Variants in CACNA1G observed in about 807,000 individuals in gnomAD.
CACNA1G encodes voltage-dependent T-type calcium channel subunit alpha-1G.
In CACNA1G, 67 loss-of-function variants were observed where a neutral mutation model predicts 219.4. The ratio of observed to expected loss-of-function variants is 0.31; its 90% CI spans 0.25 to 0.37. The LOEUF (loss-of-function observed/expected upper bound fraction) is 0.37. Ranked by LOEUF, CACNA1G falls within the 10% of genes least tolerant of loss-of-function variation. The pLI is 1.00. For synonymous variants in CACNA1G, 1,296 were observed against 1,345.3 expected, an observed-to-expected ratio of 0.96 and a Z score of 0.80; for missense variants, 2,380 against 3,231.4, an observed-to-expected ratio of 0.74 and a Z score of 6.39.
At chr17:50,599,942 AG>A (rs1960289058) in intron 17 of CACNA1G, 83 bp downstream of exon 17, 2 of 1,359,228 alleles carry the variant, frequency 1.5e-6, no homozygotes, top group African/African-American at 1.4e-5. Flanking sequence ...GGTATAAGGG[AG>A]TTACCATTCC....
At chr17:50,620,522 C>T (rs2051587616) in intron 34 of CACNA1G, among the ~76,000 whole-genome samples, 2 of 152,222 alleles carry the variant, frequency 1.3e-5, no homozygotes, top group East Asian at 1.9e-4. Context: ...GCTGTTCCTG[C>T]CCTCCTCCCC....
chr17:50,601,025 C>T (rs372391770), intron 18 of CACNA1G, 26 bp from the exon 19 acceptor site: 1 of 1,609,916 alleles, frequency 6.2e-7, no homozygotes, highest in East Asian at 2.2e-5. Flanking sequence ...CTCCCCCTCT[C>T]AGCCGTTGCC....
rs1297808397 is a variant in CACNA1G at position 50,627,044 on chromosome 17, C to A, written c.*293C>A. On this transcript the variant is annotated 3_prime_UTR_variant, in exon 38 of 38. Coordinates refer to ENST00000359106, the MANE Select transcript of CACNA1G (RefSeq NM_018896.5). Reference sequence around the variant, plus strand: ...TTTGTGCAGAATCTCTATGTATATTCTATTTTATTAAATTAATTGAATCTA... The same window carrying A: ...TTTGTGCAGAATCTCTATGTATATTATATTTTATTAAATTAATTGAATCTA... The A allele has an allele frequency of 3.5e-6, 2 of 576,688 alleles. No individual in the cohort carries two copies. Among genetic ancestry groups the A allele is most frequent in the South Asian group, 3.1e-5 (2 of 65,482 alleles). The allele number at this position is 576,688 out of a possible 1,614,324, so 35.7% of individuals were successfully genotyped here.
Position 50,626,858 on chromosome 17 carries a change from G to T in CACNA1G, c.*107G>T. The T allele has an allele frequency of 7.0e-7, 1 of 1,423,172 alleles. No homozygotes were observed. 88.2% of individuals were successfully genotyped at this position (1,423,172 alleles called of 1,614,324 possible). A position where few individuals can be genotyped will look rare whatever the true frequency, so the allele number is the denominator to read the frequency against. On this transcript the variant is annotated 3_prime_UTR_variant, in exon 38 of 38. Transcript: ENST00000359106. This position sits in a 1 kb window ranked among gnomAD's most constrained non-coding sequence, Gnocchi z 4.3. ...AGTTCCATATAGACACCAAGGAGGCGGAGGCGCTCCTCCCTGCCTCAGTGG... is the reference window on the plus strand; with the variant it reads ...AGTTCCATATAGACACCAAGGAGGCTGAGGCGCTCCTCCCTGCCTCAGTGG...
rs1469421563 is a variant in CACNA1G, at chr17:50,569,686, C to T, written c.489-20C>T. Reference sequence around the variant, plus strand: ...GTGGCCTCAGACTCAAAGGGCCTCCCTTTGGGCCCCTCCCTGCAGGATGCT... The same window carrying T: ...GTGGCCTCAGACTCAAAGGGCCTCCTTTTGGGCCCCTCCCTGCAGGATGCT... On this transcript the variant is annotated intron_variant, in intron 3 of 37. Coordinates refer to ENST00000359106, the MANE Select transcript of CACNA1G (RefSeq NM_018896.5). The T allele has an allele frequency of 3.2e-6, 5 of 1,539,704 alleles. No homozygotes were observed. Among genetic ancestry groups the T allele is most frequent in the Non-Finnish European group, 4.4e-6 (5 of 1,138,674 alleles).
chr17:50,561,233 C>T lies in CACNA1G; in HGVS notation c.-227C>T. 1.8e-6 allele frequency: 1 copy of T among 553,408 alleles called. No individual in the cohort carries two copies. The highest frequency in any genetic ancestry group is 3.2e-6 in the Non-Finnish European group (1 of 316,088). 34.3% of individuals were successfully genotyped at this position (553,408 alleles called of 1,614,324 possible). A position where few individuals can be genotyped will look rare whatever the true frequency, so the allele number is the denominator to read the frequency against. ...GGAAGCCCCAGGGGCGCAGGGGAAG[C>T]GGGACTCGCGCCGGGCGGGGTTTCC... On this transcript the variant is annotated 5_prime_UTR_variant, in exon 1 of 38. Coordinates refer to ENST00000359106, the MANE Select transcript of CACNA1G (RefSeq NM_018896.5).
chr17:50,567,288 G>GCAGT (rs1227080679), intron 1 of CACNA1G, among the ~76,000 whole-genome samples: 1 of 152,174 alleles, frequency 6.6e-6, no homozygotes, highest in Non-Finnish European at 1.5e-5. Context: ...TAGGGAAACT[G>GCAGT]CAGTGCATTA....
chr17:50,579,172 C>G (rs1018778520), intron 9 of CACNA1G, among the ~76,000 whole-genome samples: 8 of 152,084 alleles, frequency 5.3e-5, no homozygotes, highest in African/African-American at 1.9e-4. Context: ...GACTTGAAGC[C>G]ATCGCGTTTG....
chr17:50,562,752 C>T (rs948318006), intron 1 of CACNA1G, among the ~76,000 whole-genome samples: 7 of 152,172 alleles, frequency 4.6e-5, no homozygotes, highest in African/African-American at 1.7e-4. Flanking sequence ...ACCACCCCAG[C>T]GTAGACTCCG....
intron 9 of CACNA1G, among the ~76,000 whole-genome samples, chr17:50,579,576 G>A (rs1241918679): frequency 6.6e-6 from 1 of 152,118 alleles, no homozygotes; most frequent in Non-Finnish European, 1.5e-5. Context: ...TCTTGGAAAA[G>A]GAGAGAGGCT....
chr17:50,618,393 G>A lies in CACNA1G; in HGVS notation c.5427+50G>A. ...CTCCAGGGAGGCAGCCCCACTTCCT[G>A]AGCTAGGATTCCTTGGGAAGATGAA... On this transcript the variant is annotated intron_variant, in intron 32 of 37. Transcript: ENST00000359106. This position sits in a 1 kb window ranked among gnomAD's most constrained non-coding sequence, Gnocchi z 5.3. 6.3e-7 allele frequency: 1 copy of A among 1,598,100 alleles called. No individual in the cohort carries two copies. Among genetic ancestry groups the A allele is most frequent in the Non-Finnish European group, 8.6e-7 (1 of 1,168,572 alleles).
At position 50,571,043 on chromosome 17, in the gene CACNA1G, G is replaced by A. The variant is rs959172104; in HGVS notation, c.587-835G>A. Among the ~76,000 whole-genome samples, 11 of 152,200 alleles carry A rather than the reference G, an allele frequency of 7.2e-5. No individual in the cohort carries two copies. The highest frequency in any genetic ancestry group is 1.2e-4 in the African/African-American group (5 of 41,438). ...GGGGCTGGTTCAGACCATTTGGGCCGGTTGGGTTCTAGACCTGGAGTACGG... is the reference window on the plus strand; with the variant it reads ...GGGGCTGGTTCAGACCATTTGGGCCAGTTGGGTTCTAGACCTGGAGTACGG... On this transcript the variant is annotated intron_variant, in intron 4 of 37. Transcript: ENST00000359106. This position sits in a 1 kb window ranked among gnomAD's most constrained non-coding sequence, Gnocchi z 4.3.
At chr17:50,610,365 A>G (rs189873107) in intron 26 of CACNA1G, among the ~76,000 whole-genome samples, 1 of 152,354 alleles carries the variant, frequency 6.6e-6, no homozygotes, top group East Asian at 1.9e-4. Flanking sequence ...AAATGTAACA[A>G]TGAATAATTG....
intron 9 of CACNA1G, among the ~76,000 whole-genome samples, chr17:50,587,082 G>A (rs2043136216): frequency 6.6e-6 from 1 of 152,204 alleles, no homozygotes; most frequent in African/African-American, 2.4e-5. Context: ...ACAGCTGGGG[G>A]TGGCCAGTGA....
At position 50,615,487 on chromosome 17, in the gene CACNA1G, C is replaced by T; in HGVS notation, c.4886C>T (p.Ala1629Val). The T allele has an allele frequency of 6.2e-7, 1 of 1,613,500 alleles. No homozygotes were observed. Among genetic ancestry groups the T allele is most frequent in the Non-Finnish European group, 8.5e-7 (1 of 1,179,570 alleles). ...ATCGGGCTGAACGTGGTCACCATGG[C>T]CATGGAGCACTACCAGCAGCCCCAG... is the stretch of plus-strand genomic sequence containing the variant. ...GVIGLNVVTM[A>V]MEHYQQPQIL... Residue 1629 changes from alanine to valine, a missense_variant, in exon 27 of 38, where the codon GCC becomes GTC. By Grantham distance (64) the Ala-to-Val change is moderately conservative. Transcript: ENST00000359106.
Position 50,591,838 on chromosome 17 carries a change from C to T in CACNA1G, c.2739C>T (p.Ile913=), listed in dbSNP as rs9911759. The T allele has an allele frequency of 9.0e-5, 145 of 1,613,958 alleles. No homozygotes were observed. The Middle Eastern group carries it at 9.9e-4, about 11-fold the overall frequency. ...RKNFDSLLWA[I]VTVFQILTQE... ...ATTTTGACTCCTTGCTCTGGGCCAT[C>T]GTCACTGTCTTTCAGGTGCGAGGGT... Residue 913 remains isoleucine (I), a synonymous_variant, in exon 12 of 38, where the codon ATC becomes ATT. Coordinates refer to ENST00000359106, the MANE Select transcript of CACNA1G (RefSeq NM_018896.5).
intron 26 of CACNA1G, among the ~76,000 whole-genome samples, chr17:50,613,150 G>A (rs67318243): frequency 0.1 from 15,198 of 152,268 alleles, 844 homozygotes; most frequent in South Asian, 0.13. Flanking sequence ...CTGGAAGTTC[G>A]GGTCCAGCTC....
In CACNA1G at chr17:50,603,249, C is replaced by T; in HGVS notation, c.4169+50C>T. On this transcript the variant is annotated intron_variant, in intron 21 of 37. Transcript: ENST00000359106. This position sits in a 1 kb window ranked among gnomAD's most constrained non-coding sequence, Gnocchi z 6.4. ...CACCTCCAAGAGGTGGCCCCCTCCG[C>T]AGGGACATCTCCCACCGCCAGCACT... The T allele has an allele frequency of 1.3e-6, 2 of 1,498,710 alleles. No homozygotes were observed. The highest frequency in any genetic ancestry group is 1.8e-6 in the Non-Finnish European group (2 of 1,104,354). 92.8% of individuals were successfully genotyped at this position (1,498,710 alleles called of 1,614,324 possible).
intron 1 of CACNA1G, among the ~76,000 whole-genome samples, chr17:50,562,916 G>A (rs2036313035): frequency 6.6e-6 from 1 of 152,140 alleles, no homozygotes; most frequent in African/African-American, 2.4e-5. Context: ...CAAGCTCCCT[G>A]GCGGGTCCTG....
Sources: allele counts gnomAD v4.1 joint callset (sites outside exome capture counted in the v4.1 genomes callset), GRCh38; gene constraint gnomAD v4.1.1; non-coding constraint Gnocchi (gnomAD v3.1); transcripts MANE v1.5; gene names NCBI Gene and HGNC (gene_info 2026-07-23, HGNC 2026-07-21).